The following ANGPT1 variants were observed in gnomAD, a reference collection of about 807,000 sequenced individuals.
ANGPT1 encodes angiopoietin-1.
ANGPT1 carries 17 observed loss-of-function variants against 62.2 expected under a neutral mutation model. That is an observed-to-expected ratio of 0.27 (90% CI 0.19 to 0.41). The LOEUF (loss-of-function observed/expected upper bound fraction) is 0.41. Ranked by LOEUF, ANGPT1 falls within the 10% of genes least tolerant of loss-of-function variation. The pLI, the probability that ANGPT1 is intolerant of heterozygous loss-of-function variation, is 1.00. For missense variants in ANGPT1, 478 were observed against 594.9 expected (o/e 0.80, Z 2.04); for synonymous variants, 199 against 198.9 (o/e 1.00, Z 0.00).
At chr8:107,298,742 G>A (rs1036935874) in intron 5 of ANGPT1, among the ~76,000 whole-genome samples, 2 of 151,600 alleles carry the variant, frequency 1.3e-5, no homozygotes, top group African/African-American at 4.8e-5. Context: ...TCTGCTCATT[G>A]GTTTGTCACT....
chr8:107,318,710 CAAAT>C (rs1235577489), intron 4 of ANGPT1, among the ~76,000 whole-genome samples: 13 of 151,782 alleles, frequency 8.6e-5, no homozygotes, highest in Admixed American at 7.9e-4. Context: ...TTTTTAATGA[CAAAT>C]AATAACTGTA....
At chr8:107,284,528 G>T in intron 7 of ANGPT1, 154 bp downstream of exon 7, 2 of 591,770 alleles carry the variant, frequency 3.4e-6, no homozygotes, top group Non-Finnish European at 5.0e-6. Context: ...GTCTTTACAG[G>T]CTTTTTTGTA....
At chr8:107,409,547 C>G (rs1358225984) in intron 1 of ANGPT1, among the ~76,000 whole-genome samples, 2 of 152,114 alleles carry the variant, frequency 1.3e-5, no homozygotes, top group African/African-American at 4.8e-5. Context: ...TCAGTTATCC[C>G]TTCCTTGAGA....
intron 8 of ANGPT1, among the ~76,000 whole-genome samples, chr8:107,258,173 T>C (rs2022960): frequency 0.85 from 129,515 of 151,790 alleles, 55,276 homozygotes; most frequent in Middle Eastern, 0.89. Context: ...AATAGAGCTC[T>C]GTCATTCTCT....
intron 1 of ANGPT1, among the ~76,000 whole-genome samples, chr8:107,491,557 C>T (rs752059990): frequency 1.3e-5 from 2 of 152,076 alleles, no homozygotes; most frequent in South Asian, 4.1e-4. Flanking sequence ...AAGTAGCCAA[C>T]CATGCAAAGA....
chr8:107,392,859 C>A (rs1463410330), intron 1 of ANGPT1, among the ~76,000 whole-genome samples: 1 of 152,126 alleles, frequency 6.6e-6, no homozygotes, highest in Non-Finnish European at 1.5e-5. Context: ...CTTTTTATTA[C>A]TGAATTGAAA....
At chr8:107,360,097 G>T (rs1469633387) in intron 1 of ANGPT1, among the ~76,000 whole-genome samples, 1 of 152,078 alleles carries the variant, frequency 6.6e-6, no homozygotes, top group Non-Finnish European at 1.5e-5. Flanking sequence ...CTCCCTACCT[G>T]CCACCCCTAA....
At chr8:107,316,990 G>A (rs1815029100) in intron 4 of ANGPT1, among the ~76,000 whole-genome samples, 1 of 152,172 alleles carries the variant, frequency 6.6e-6, no homozygotes, top group African/African-American at 2.4e-5. Context: ...GGGCTAACAC[G>A]TGGAAAGCCT....
chr8:107,263,374 A>G (rs1249687769), intron 8 of ANGPT1, among the ~76,000 whole-genome samples: 1 of 145,212 alleles, frequency 6.9e-6, no homozygotes, highest in Non-Finnish European at 1.5e-5. Flanking sequence ...AAAAAAAAAA[A>G]AAAAGGAAGT....
chr8:107,351,852 G>A (rs914684341), intron 1 of ANGPT1, among the ~76,000 whole-genome samples: 11 of 152,030 alleles, frequency 7.2e-5, no homozygotes, highest in Non-Finnish European at 1.5e-4. Flanking sequence ...ATACAACAAA[G>A]GGAATAACAA....
At chr8:107,256,374 TATTTTTAAAA>T (rs1053894701) in intron 8 of ANGPT1, among the ~76,000 whole-genome samples, 1 of 152,230 alleles carries the variant, frequency 6.6e-6, no homozygotes, top group African/African-American at 2.4e-5. Flanking sequence ...TTTCTACCTT[TATTTTTAAAA>T]ATTAAGCATG....
At chr8:107,347,515 C>T (rs943950859) in intron 1 of ANGPT1, among the ~76,000 whole-genome samples, 7 of 152,122 alleles carry the variant, frequency 4.6e-5, no homozygotes, top group Non-Finnish European at 8.8e-5. Context: ...TAATTTAAAT[C>T]TAATTCTTGG....
chr8:107,387,017 G>T (rs1336491236), intron 1 of ANGPT1, among the ~76,000 whole-genome samples: 2 of 152,026 alleles, frequency 1.3e-5, no homozygotes, highest in African/African-American at 4.8e-5. Flanking sequence ...AAAAATAAAT[G>T]ATATTCCTTT....
intron 4 of ANGPT1, among the ~76,000 whole-genome samples, chr8:107,309,377 A>C (rs1313855267): frequency 6.6e-6 from 1 of 152,220 alleles, no homozygotes; most frequent in Non-Finnish European, 1.5e-5. Context: ...ATAAAGGAAG[A>C]AAACAGCACA....
Position 107,346,945 on chromosome 8 carries a change from G to C in ANGPT1, c.450C>G (p.Thr150=), listed in dbSNP as rs1277933887. The change falls in exon 2 of 9, where the codon ACC becomes ACG. Residue 150 remains threonine (T), a synonymous_variant. Transcript: ENST00000517746. The part of the protein sequence containing the change: ...EQTRKLTDVE[T]QVLNQTSRLE... ...GGACTCTGGCCCTGGGGTGTACCTG[G>C]GTCTCAACATCTGTCAGCTTTCTGG... 6.2e-7 allele frequency: 1 copy of C among 1,610,792 alleles called. No individual in the cohort carries two copies. The highest frequency in any genetic ancestry group is 1.1e-5 in the South Asian group (1 of 90,672).
intron 7 of ANGPT1, among the ~76,000 whole-genome samples, chr8:107,272,736 A>G (rs1214814475): frequency 1.4e-5 from 2 of 139,304 alleles, no homozygotes; most frequent in Non-Finnish European, 3.0e-5. Flanking sequence ...TCATATACAT[A>G]TATAATATAT....
intron 1 of ANGPT1, among the ~76,000 whole-genome samples, chr8:107,357,350 C>G (rs1165508003): frequency 6.6e-6 from 1 of 152,100 alleles, no homozygotes; most frequent in South Asian, 2.1e-4. Context: ...CTTTTTTTAA[C>G]TAAACAAGAT....
At chr8:107,316,007 A>G (rs1815005275) in intron 4 of ANGPT1, among the ~76,000 whole-genome samples, 1 of 152,058 alleles carries the variant, frequency 6.6e-6, no homozygotes, top group Admixed American at 6.5e-5. Context: ...CCCAAACTAA[A>G]ACTCACTATT....
intron 7 of ANGPT1, among the ~76,000 whole-genome samples, chr8:107,269,262 T>A (rs985542866): frequency 6.6e-6 from 1 of 151,810 alleles, no homozygotes; most frequent in African/African-American, 2.4e-5. Flanking sequence ...TTGATACAGG[T>A]AAATTAAGGA....
Sources: gnomAD v4.1 joint callset for allele counts (sites outside exome capture counted in the v4.1 genomes callset) on GRCh38, gnomAD v4.1.1 for gene constraint, MANE v1.5 for transcripts, NCBI Gene and HGNC (gene_info 2026-07-23, HGNC 2026-07-21) for gene names.